ADNP: variants seen among roughly 807,000 people sequenced by gnomAD.
ADNP encodes the protein activity-dependent neuroprotector homeobox protein.
A neutral mutation model predicts 84.9 loss-of-function variants in ADNP; 4 were observed. The observed-to-expected ratio is 0.05, with a 90% CI of 0.02 to 0.11. ADNP has a LOEUF of 0.11. Among genes scored for constraint, ADNP ranks in the 10% least tolerant of loss-of-function variants. The pLI, the probability that ADNP is intolerant of heterozygous loss-of-function variation, is 1.00. For missense variants in ADNP, 1,132 were observed against 1,326.0 expected, an observed-to-expected ratio of 0.85 and a Z score of 2.27; for synonymous variants, 554 against 468.1, an observed-to-expected ratio of 1.18 and a Z score of -2.37.
At chr20:50,911,230 T>C (rs1982999072) in intron 2 of ADNP, among the ~76,000 whole-genome samples, 1 of 152,222 alleles carries the variant, frequency 6.6e-6, no homozygotes, top group Non-Finnish European at 1.5e-5. Context: ...AAGTCCCATC[T>C]ATTTTTGGTT....
Position 50,931,187 on chromosome 20 carries a change from A to G in ADNP, c.-626T>C, listed in dbSNP as rs1309816247. On this transcript the variant is annotated 5_prime_UTR_variant, in exon 1 of 6. Coordinates refer to ENST00000621696, the MANE Select transcript of ADNP (RefSeq NM_001282531.3). Reference sequence around the variant, plus strand: ...CCGAGAGAGGGAGCTGTGTCTGAGAAGACGCCAAAATCCCCCTTAGCGCTG... The same window carrying G: ...CCGAGAGAGGGAGCTGTGTCTGAGAGGACGCCAAAATCCCCCTTAGCGCTG... 7.1e-6 allele frequency: 1 copy of G among 140,918 alleles called. No individual in the cohort carries two copies. The highest frequency in any genetic ancestry group is 1.6e-5 in the Non-Finnish European group (1 of 64,412). 8.7% of individuals were successfully genotyped at this position (140,918 alleles called of 1,614,324 possible).
At chr20:50,909,363 CAAAAAAAAAAAAAAAAAAAAAA>C (rs3069819) in intron 2 of ADNP, 2 of 44,354 alleles carry the variant, frequency 4.5e-5, no homozygotes, top group African/African-American at 8.2e-5. Flanking sequence ...AAAACTGTCT[CAAAAAAAAAAAAAAAAAAAAAA>C]AAAAAAAAGA....
intron 2 of ADNP, among the ~76,000 whole-genome samples, chr20:50,909,082 A>T (rs1246887598): frequency 6.6e-6 from 1 of 151,562 alleles, no homozygotes; most frequent in Non-Finnish European, 1.5e-5. Flanking sequence ...AAAAAAAAAA[A>T]AAAATTTGCC....
chr20:50,897,105 AT>A (rs1981485285), intron 5 of ADNP, among the ~76,000 whole-genome samples: 1 of 151,690 alleles, frequency 6.6e-6, no homozygotes, highest in Non-Finnish European at 1.5e-5. Flanking sequence ...CGCCCGGCTA[AT>A]TTTTTTGTAT....
At chr20:50,903,263 G>A (rs1982158652) in intron 4 of ADNP, among the ~76,000 whole-genome samples, 1 of 152,170 alleles carries the variant, frequency 6.6e-6, no homozygotes, top group South Asian at 2.1e-4. Flanking sequence ...GGAGACCACT[G>A]CATGGCTATC....
At chr20:50,914,169 C>T in intron 2 of ADNP, 1 of 787,562 alleles carries the variant, frequency 1.3e-6, no homozygotes, top group Non-Finnish European at 2.2e-6. Flanking sequence ...AGGCCACAGC[C>T]AAGGGTAACT....
rs989892283 is a variant in ADNP, at chr20:50,890,915, G to A, written c.*490C>T. The A allele has an allele frequency of 2.0e-6, 2 of 984,562 alleles. No homozygotes were observed. Among genetic ancestry groups the A allele is most frequent in the South Asian group, 4.7e-5 (1 of 21,264 alleles). 61.0% of individuals were successfully genotyped at this position (984,562 alleles called of 1,614,324 possible). A position where few individuals can be genotyped will look rare whatever the true frequency, so the allele number is the denominator to read the frequency against. On this transcript the variant is annotated 3_prime_UTR_variant, in exon 6 of 6. Coordinates refer to ENST00000621696, the MANE Select transcript of ADNP (RefSeq NM_001282531.3). ...TGGGCACACAGTAACAGGATCATGA[G>A]CATCACTTGAATAGGTCTAAAAGAC...
intron 2 of ADNP, among the ~76,000 whole-genome samples, chr20:50,911,126 G>T (rs1398376586): frequency 1.3e-5 from 2 of 152,160 alleles, no homozygotes; most frequent in African/African-American, 4.8e-5. Flanking sequence ...CAGACAGCTG[G>T]AATGAAAATC....
At chr20:50,914,172 G>A in intron 2 of ADNP, 1 of 791,780 alleles carries the variant, frequency 1.3e-6, no homozygotes, top group South Asian at 1.5e-5. Flanking sequence ...CCACAGCCAA[G>A]GGTAACTTCA....
chr20:50,901,514 T>C (rs1981983511), intron 5 of ADNP, among the ~76,000 whole-genome samples: 1 of 152,302 alleles, frequency 6.6e-6, no homozygotes. Flanking sequence ...CATCATCATC[T>C]ATTGATACTT....
In ADNP at chr20:50,893,319, G is replaced by A. The variant is rs375629425; in HGVS notation, c.1395C>T (p.Phe465=). 2.9e-5 allele frequency: 46 copies of A among 1,614,012 alleles called. No individual in the cohort carries two copies. Among genetic ancestry groups the A allele is most frequent in the East Asian group, 4.5e-5 (2 of 44,900 alleles). The change falls in exon 6 of 6, where the codon TTC becomes TTT. Residue 465 remains phenylalanine, a synonymous_variant. Coordinates refer to ENST00000621696, the MANE Select transcript of ADNP (RefSeq NM_001282531.3). The surrounding 1 kb of genome is among the most constrained non-coding windows in gnomAD (Gnocchi z 4.4). ...LFPENVYSVH[F]EKEHKAEKVP... ...CTTTCTCAGCTTTATGTTCTTTTTC[G>A]AAGTGCACACTATAGACATTTTCAG...
chr20:50,898,393 G>C (rs934205742), intron 5 of ADNP, among the ~76,000 whole-genome samples: 2 of 152,176 alleles, frequency 1.3e-5, no homozygotes, highest in African/African-American at 4.8e-5. Flanking sequence ...GGTGCTGAGA[G>C]GTACACAGCA....
chr20:50,900,152 TTTTC>T (rs1981824033), intron 5 of ADNP, among the ~76,000 whole-genome samples: 1 of 152,142 alleles, frequency 6.6e-6, no homozygotes. Context: ...GTGTACCAAT[TTTTC>T]TTTTATATTG....
At chr20:50,899,317 C>T (rs150966555) in intron 5 of ADNP, among the ~76,000 whole-genome samples, 4 of 152,068 alleles carry the variant, frequency 2.6e-5, no homozygotes, top group Admixed American at 2.0e-4. Context: ...CTGCCTTCCC[C>T]GCTCCCACTT....
rs202128624 is a variant in ADNP, at chr20:50,892,068, C to T, written c.2646G>A (p.Leu882=). ...TACCACTTTCATTGGATTCTTCTTC[C>T]AAATTTTCAAAACTGTCTGAGGAAC... The part of the protein sequence containing the change: ...DDSSSDSFEN[L]EEESNESGSP... The change falls in exon 6 of 6, where the codon TTG becomes TTA. Residue 882 remains leucine, a synonymous_variant. Coordinates refer to ENST00000621696, the MANE Select transcript of ADNP (RefSeq NM_001282531.3). 2.5e-6 allele frequency: 4 copies of T among 1,614,118 alleles called. No homozygotes were observed. The Admixed American group carries it at 5.0e-5, about 20-fold the overall frequency.
At chr20:50,920,262 CAAAAAAAAAAAAAA>C (rs56181933) in intron 2 of ADNP, among the ~76,000 whole-genome samples, 3 of 64,552 alleles carry the variant, frequency 4.6e-5, no homozygotes, top group South Asian at 6.5e-4. Flanking sequence ...ATTCCACCTC[CAAAAAAAAAAAAAA>C]AAAAAAAAGA....
At chr20:50,926,120 C>T (rs1414663748) in intron 2 of ADNP, among the ~76,000 whole-genome samples, 4 of 152,086 alleles carry the variant, frequency 2.6e-5, no homozygotes, top group Non-Finnish European at 5.9e-5. Context: ...AAACAACACA[C>T]AAAAACTAGG....
intron 2 of ADNP, among the ~76,000 whole-genome samples, chr20:50,906,237 G>T (rs1366010423): frequency 6.6e-6 from 1 of 152,096 alleles, no homozygotes; most frequent in African/African-American, 2.4e-5. Flanking sequence ...AACACATACA[G>T]TTACTACAAA....
intron 5 of ADNP, among the ~76,000 whole-genome samples, chr20:50,895,414 A>G (rs758491005): frequency 2.6e-5 from 4 of 152,250 alleles, no homozygotes; most frequent in Non-Finnish European, 4.4e-5. Flanking sequence ...CAGTAAAAAT[A>G]CAATGTAAAA....
Sources: allele counts gnomAD v4.1 joint callset (sites outside exome capture counted in the v4.1 genomes callset), GRCh38; gene constraint gnomAD v4.1.1; non-coding constraint Gnocchi (gnomAD v3.1); transcripts MANE v1.5; gene names NCBI Gene and HGNC (gene_info 2026-07-23, HGNC 2026-07-21).